The following SAMMSON variants were observed in gnomAD, a reference collection of about 807,000 sequenced individuals.
SAMMSON encodes the protein long intergenic non-protein coding RNA 1212.
intron 4 of SAMMSON, among the ~76,000 whole-genome samples, chr3:70,220,444 A>G (rs1701452396): frequency 6.6e-6 from 1 of 152,104 alleles, no homozygotes; most frequent in Non-Finnish European, 1.5e-5. Context: ...CCTCTTAAAA[A>G]AAAAAATTAC....
intron 2 of SAMMSON, among the ~76,000 whole-genome samples, chr3:70,422,397 T>C (rs1701320392): frequency 6.6e-6 from 1 of 152,062 alleles, no homozygotes; most frequent in African/African-American, 2.4e-5. Flanking sequence ...ACCATATTAA[T>C]ATTTTATTAT....
intron 4 of SAMMSON, among the ~76,000 whole-genome samples, chr3:70,226,473 C>T (rs1384267592): frequency 6.6e-6 from 1 of 152,184 alleles, no homozygotes; most frequent in Non-Finnish European, 1.5e-5. Flanking sequence ...CGCAGTGGCT[C>T]ACGCCTGTAA....
At chr3:70,427,160 C>T (rs1701376714) in intron 2 of SAMMSON, among the ~76,000 whole-genome samples, 1 of 152,100 alleles carries the variant, frequency 6.6e-6, no homozygotes, top group African/African-American at 2.4e-5. Context: ...TTGGGAAAGC[C>T]TGCTAACATT....
At chr3:70,147,291 AT>A (rs1312560329) in intron 4 of SAMMSON, among the ~76,000 whole-genome samples, 4 of 151,956 alleles carry the variant, frequency 2.6e-5, no homozygotes, top group East Asian at 1.9e-4. Context: ...ATTCAAGAAT[AT>A]TTTTTTGTAA....
chr3:70,025,092 G>C (rs1001155913), intron 3 of SAMMSON: 2 of 152,266 alleles, frequency 1.3e-5, no homozygotes, highest in African/African-American at 4.8e-5. Flanking sequence ...GATAAAATCT[G>C]TGAACTCCAG....
chr3:70,283,476 C>T (rs1477170886), intron 6 of SAMMSON: 4 of 151,998 alleles, frequency 2.6e-5, no homozygotes, highest in African/African-American at 9.7e-5. Context: ...ATTTGAATCC[C>T]ACATACAGCA....
chr3:70,245,305 C>T (rs1042008953), intron 4 of SAMMSON, among the ~76,000 whole-genome samples: 1 of 151,910 alleles, frequency 6.6e-6, no homozygotes, highest in African/African-American at 2.4e-5. Context: ...TTTTGGATAA[C>T]ATTTTCCTCT....
chr3:70,319,555 C>A (rs1702521026), intron 7 of SAMMSON, among the ~76,000 whole-genome samples: 2 of 152,066 alleles, frequency 1.3e-5, no homozygotes, highest in East Asian at 1.9e-4. Context: ...CTGTGACGGG[C>A]AGACACAGCC....
At chr3:70,215,012 A>T (rs1559536932) in intron 4 of SAMMSON, among the ~76,000 whole-genome samples, 1 of 152,060 alleles carries the variant, frequency 6.6e-6, no homozygotes, top group Non-Finnish European at 1.5e-5. Context: ...TATACAGTCA[A>T]TTTTTTTACT....
intron 4 of SAMMSON, among the ~76,000 whole-genome samples, chr3:70,199,544 A>G (rs1174964344): frequency 6.6e-6 from 1 of 152,134 alleles, no homozygotes; most frequent in Non-Finnish European, 1.5e-5. Flanking sequence ...CAACATGGTA[A>G]CATTAATGAA....
At chr3:70,409,955 T>G (rs1343240804) in intron 2 of SAMMSON, among the ~76,000 whole-genome samples, 1 of 152,164 alleles carries the variant, frequency 6.6e-6, no homozygotes, top group Non-Finnish European at 1.5e-5. Flanking sequence ...CAACAGTTTT[T>G]CAACCCCCTA....
chr3:70,428,968 A>G (rs1344386488), intron 2 of SAMMSON, among the ~76,000 whole-genome samples: 5 of 152,296 alleles, frequency 3.3e-5, no homozygotes, highest in African/African-American at 7.2e-5. Context: ...TGATAGAAAC[A>G]TATTAATTAA....
chr3:70,145,886 A>G (rs1207462101), intron 4 of SAMMSON, among the ~76,000 whole-genome samples: 1 of 151,928 alleles, frequency 6.6e-6, no homozygotes, highest in Non-Finnish European at 1.5e-5. Context: ...AAATAAAATT[A>G]AAAAATAAAA....
intron 6 of SAMMSON, among the ~76,000 whole-genome samples, chr3:70,251,539 G>T (rs750948079): frequency 5.9e-5 from 9 of 152,172 alleles, no homozygotes; most frequent in African/African-American, 1.4e-4. Context: ...CTGGCCTCAT[G>T]ATGGTGGAGT....
chr3:70,050,406 C>G (rs1443081249), intron 3 of SAMMSON, among the ~76,000 whole-genome samples: 2 of 152,222 alleles, frequency 1.3e-5, no homozygotes, highest in East Asian at 3.9e-4. Context: ...CAGAGCAGCT[C>G]TCAGAAGAAA....
chr3:70,006,156 G>T (rs765109670), intron 1 of SAMMSON, among the ~76,000 whole-genome samples: 2 of 152,218 alleles, frequency 1.3e-5, no homozygotes, highest in South Asian at 2.1e-4. Flanking sequence ...TCAGTTAAAT[G>T]ACTAAGATAA....
chr3:70,423,377 G>A (rs1027323716), intron 2 of SAMMSON, among the ~76,000 whole-genome samples: 3 of 152,050 alleles, frequency 2.0e-5, no homozygotes, highest in African/African-American at 7.2e-5. Context: ...GAATCAAGGT[G>A]GTTTTATTAC....
intron 4 of SAMMSON, among the ~76,000 whole-genome samples, chr3:70,170,665 T>A (rs770832560): frequency 7.4e-5 from 11 of 148,394 alleles, no homozygotes; most frequent in Non-Finnish European, 1.6e-4. Flanking sequence ...AGGTGAAAAA[T>A]TTTTAAAAGG....
chr3:70,374,124 G>C (rs961715671), intron 9 of SAMMSON, among the ~76,000 whole-genome samples: 3 of 152,148 alleles, frequency 2.0e-5, no homozygotes, highest in African/African-American at 7.2e-5. Context: ...ATGTTGGTCA[G>C]GCTGGTCTCA....
Sources: gnomAD v4.1 joint callset for allele counts (sites outside exome capture counted in the v4.1 genomes callset) on GRCh38, gnomAD v4.1.1 for gene constraint, MANE v1.5 for transcripts, NCBI Gene and HGNC (gene_info 2026-07-23, HGNC 2026-07-21) for gene names.